GSE1: variants seen among roughly 807,000 people sequenced by gnomAD.
The protein encoded by GSE1 is genetic suppressor element 1.
Under a neutral mutation model 112.6 loss-of-function variants are expected in GSE1, and 32 were observed. The ratio of observed to expected loss-of-function variants is 0.28; its 90% CI spans 0.21 to 0.38. GSE1 has a LOEUF of 0.38. Among genes scored for constraint, GSE1 ranks in the 10% least tolerant of loss-of-function variants. GSE1 has a pLI of 1.00. For missense variants in GSE1, 2,348 were observed against 1,699.2 expected, an observed-to-expected ratio of 1.38 and a Z score of -6.71; for synonymous variants, 1,115 against 735.6, an observed-to-expected ratio of 1.52 and a Z score of -8.35.
At chr16:85,498,046 G>T (rs959733598) in intron 2 of GSE1, among the ~76,000 whole-genome samples, 30 of 152,148 alleles carry the variant, frequency 2.0e-4, no homozygotes, top group African/African-American at 6.3e-4. Flanking sequence ...CACCTCAGTG[G>T]GGTGGGGGTG....
At chr16:85,368,711 A>G (rs983733000) in intron 2 of GSE1, among the ~76,000 whole-genome samples, 8 of 152,128 alleles carry the variant, frequency 5.3e-5, no homozygotes, top group Non-Finnish European at 1.0e-4. Context: ...TCACTAAAAA[A>G]CTAAACTAAA....
intron 2 of GSE1, among the ~76,000 whole-genome samples, chr16:85,488,905 C>T (rs563277509): frequency 1.2e-4 from 19 of 152,130 alleles, no homozygotes; most frequent in South Asian, 2.1e-4. Context: ...AACAGCCCCC[C>T]GGGGGTCAGA....
At chr16:85,498,520 C>T (rs1163887083) in intron 2 of GSE1, among the ~76,000 whole-genome samples, 1 of 151,942 alleles carries the variant, frequency 6.6e-6, no homozygotes. Context: ...CACAGAGATA[C>T]ATGCATGTAC....
intron 1 of GSE1, among the ~76,000 whole-genome samples, chr16:85,261,767 G>A (rs1907715078): frequency 6.6e-6 from 1 of 152,216 alleles, no homozygotes; most frequent in Non-Finnish European, 1.5e-5. Flanking sequence ...GTATGCCAGA[G>A]CCGCCATCGT....
intron 2 of GSE1, among the ~76,000 whole-genome samples, chr16:85,452,157 C>T (rs894790970): frequency 4.6e-5 from 7 of 152,166 alleles, no homozygotes; most frequent in African/African-American, 7.2e-5. Flanking sequence ...GTGCTGAAGC[C>T]GTTTGCCACC....
upstream of GSE1, among the ~76,000 whole-genome samples, chr16:85,552,678 C>T (rs2044985319): frequency 6.6e-6 from 1 of 152,210 alleles, no homozygotes; most frequent in South Asian, 2.1e-4. Flanking sequence ...GCCTGGAAGC[C>T]AGGCTGATGG....
At chr16:85,478,907 CT>C (rs765115585) in intron 2 of GSE1, among the ~76,000 whole-genome samples, 3 of 50,966 alleles carry the variant, frequency 5.9e-5, no homozygotes, top group African/African-American at 8.9e-5. Flanking sequence ...TTCTTTCTTT[CT>C]TTCTTTCTTT....
rs992735573 is a variant in GSE1 at position 85,314,889 on chromosome 16, C to T, written c.2284-42574C>T. Among the ~76,000 whole-genome samples, 5 of 152,298 alleles carry T rather than the reference C, an allele frequency of 3.3e-5. No individual in the cohort carries two copies. In the South Asian group the frequency reaches 6.2e-4, roughly 19 times the overall value. On this transcript the variant is annotated intron_variant, in intron 1 of 2. Coordinates refer to the GSE1 transcript ENST00000637419. ...ACCCTCCCAGCTAAGCATTCTGGGCCGTGTGTTGATCAAGTGACAAGCTGG... is the reference window on the plus strand; with the variant it reads ...ACCCTCCCAGCTAAGCATTCTGGGCTGTGTGTTGATCAAGTGACAAGCTGG...
intron 1 of GSE1, among the ~76,000 whole-genome samples, chr16:85,223,575 C>T (rs963991211): frequency 1.3e-5 from 2 of 151,954 alleles, no homozygotes; most frequent in African/African-American, 4.8e-5. Flanking sequence ...TAAAATTTGC[C>T]ACTGTAACCA....
At chr16:85,544,143 ATT>A (rs2044618027) in intron 2 of GSE1, among the ~76,000 whole-genome samples, 1 of 151,972 alleles carries the variant, frequency 6.6e-6, no homozygotes, top group Non-Finnish European at 1.5e-5. Flanking sequence ...CTGTAGACAT[ATT>A]TTGATTGTCA....
intron 2 of GSE1, among the ~76,000 whole-genome samples, chr16:85,523,425 A>G (rs1370642812): frequency 6.6e-6 from 1 of 152,218 alleles, no homozygotes. Flanking sequence ...GGTGCTGGGT[A>G]AATACATTGC....
At chr16:85,169,780 G>T in exon 1 of GSE1, 1 of 984,162 alleles carries the variant, frequency 1.0e-6, no homozygotes, top group Non-Finnish European at 1.2e-6. Context: ...CTGCGTGTTG[G>T]TGTGCGCCGT....
intron 2 of GSE1, among the ~76,000 whole-genome samples, chr16:85,468,585 G>C (rs935670233): frequency 2.0e-5 from 3 of 151,978 alleles, no homozygotes; most frequent in African/African-American, 7.2e-5. Context: ...GCCTCCCAAA[G>C]TGCTGGGATT....
At chr16:85,350,006 T>G (rs2046822297) in intron 1 of GSE1, among the ~76,000 whole-genome samples, 1 of 152,216 alleles carries the variant, frequency 6.6e-6, no homozygotes, top group Non-Finnish European at 1.5e-5. Flanking sequence ...CATGCTGGCC[T>G]GCATTCTCGG....
intron 2 of GSE1, among the ~76,000 whole-genome samples, chr16:85,423,343 G>A (rs1396294409): frequency 6.6e-6 from 1 of 152,170 alleles, no homozygotes; most frequent in Non-Finnish European, 1.5e-5. Flanking sequence ...TCGCTGCCTC[G>A]GGGGCTCCAC....
intron 1 of GSE1, among the ~76,000 whole-genome samples, chr16:85,260,389 T>C (rs1256947259): frequency 1.4e-5 from 2 of 146,558 alleles, no homozygotes; most frequent in Non-Finnish European, 3.0e-5. Context: ...TGTGGTGCTA[T>C]CTTGGCTCAC....
At chr16:85,436,413 C>G (rs975265944) in intron 2 of GSE1, among the ~76,000 whole-genome samples, 3 of 152,244 alleles carry the variant, frequency 2.0e-5, no homozygotes, top group African/African-American at 7.2e-5. Flanking sequence ...CGTCTCTGCT[C>G]AGTCAGCCAC....
intron 1 of GSE1, among the ~76,000 whole-genome samples, chr16:85,174,927 G>T (rs3935263): frequency 5.3e-5 from 8 of 152,092 alleles, no homozygotes; most frequent in Middle Eastern, 3.4e-3. Context: ...CTGTCTTTTG[G>T]GGGGTGGTTT....
intron 2 of GSE1, among the ~76,000 whole-genome samples, chr16:85,415,257 T>C (rs910055017): frequency 1.3e-5 from 2 of 152,222 alleles, no homozygotes; most frequent in African/African-American, 4.8e-5. Context: ...AATTTTATAT[T>C]TGTGTACCTT....
Sources: gnomAD v4.1 joint callset for allele counts (sites outside exome capture counted in the v4.1 genomes callset) on GRCh38, gnomAD v4.1.1 for gene constraint, MANE v1.5 for transcripts, NCBI Gene and HGNC (gene_info 2026-07-23, HGNC 2026-07-21) for gene names.